The following DNAH7 variants were observed in gnomAD, a reference collection of about 807,000 sequenced individuals.
DNAH7 encodes dynein axonemal heavy chain 7.
Under a neutral mutation model 444.6 loss-of-function variants are expected in DNAH7, and 397 were observed. That is an observed-to-expected ratio of 0.89 (90% CI 0.82 to 0.97). The LOEUF is 0.97. DNAH7 is among the 50% of genes least tolerant of loss of function. DNAH7 has a pLI of 0.00. For synonymous variants in DNAH7, 1,636 were observed against 1,624.4 expected (o/e 1.01, Z -0.17); for missense variants, 4,902 against 4,800.8 (o/e 1.02, Z -0.62).
At chr2:195,899,206 G>A (rs569240762) in intron 28 of DNAH7, among the ~76,000 whole-genome samples, 2 of 151,954 alleles carry the variant, frequency 1.3e-5, no homozygotes, top group South Asian at 4.2e-4. Context: ...TTCTTTGAGA[G>A]GCTGTTATTT....
intron 20 of DNAH7, among the ~76,000 whole-genome samples, chr2:195,935,842 A>G (rs1349361047): frequency 2.0e-5 from 3 of 152,140 alleles, no homozygotes; most frequent in Non-Finnish European, 4.4e-5. Flanking sequence ...GGTAAGGAGC[A>G]TCCCAGGCAA....
At position 195,897,726 on chromosome 2, in the gene DNAH7, TA is replaced by T; in HGVS notation, c.4587del (p.Arg1530AspfsTer6). ...GGCAGATTTACATCAATGATAGATC[TA>T]AGCAGCAAAATTTCTTCATTTTCAT... Reference protein sequence around the residue: ...YPNENEEILLLRSIIDVNLPK... With the variant: ...YPNENEEILLXRSIIDVNLPK... On this transcript the variant is annotated frameshift_variant, in exon 29 of 65. Transcript: ENST00000312428. LOFTEE classifies it high-confidence loss of function. 1 of 1,591,422 alleles carries T rather than the reference TA, an allele frequency of 6.3e-7. No homozygotes were observed.
At chr2:196,042,396 T>C (rs1196774349) in intron 5 of DNAH7, among the ~76,000 whole-genome samples, 1 of 152,026 alleles carries the variant, frequency 6.6e-6, no homozygotes, top group Non-Finnish European at 1.5e-5. Context: ...ATAAAATTAT[T>C]ATGTACCAAT....
intron 15 of DNAH7, among the ~76,000 whole-genome samples, chr2:195,984,009 C>T (rs1692742131): frequency 6.6e-6 from 1 of 152,160 alleles, no homozygotes; most frequent in African/African-American, 2.4e-5. Context: ...TATCCATGCC[C>T]TGTAGGGTCC....
At chr2:195,967,160 AAAT>A (rs1462073659) in intron 17 of DNAH7, among the ~76,000 whole-genome samples, 3 of 152,158 alleles carry the variant, frequency 2.0e-5, no homozygotes, top group East Asian at 1.9e-4. Flanking sequence ...TGAAGCTTGA[AAAT>A]AATATCTTAT....
intron 46 of DNAH7, among the ~76,000 whole-genome samples, chr2:195,851,374 A>C (rs1699353675): frequency 1.3e-5 from 2 of 152,244 alleles, no homozygotes; most frequent in Non-Finnish European, 2.9e-5. Context: ...AATTGCCTTC[A>C]AGCCTTCACA....
At chr2:196,009,385 G>C (rs1210948087) in intron 10 of DNAH7, among the ~76,000 whole-genome samples, 1 of 152,072 alleles carries the variant, frequency 6.6e-6, no homozygotes, top group Non-Finnish European at 1.5e-5. Flanking sequence ...GCAATACATT[G>C]GGTACCGCTG....
At chr2:195,761,556 A>T (rs973301859) in intron 61 of DNAH7, among the ~76,000 whole-genome samples, 1 of 152,256 alleles carries the variant, frequency 6.6e-6, no homozygotes, top group African/African-American at 2.4e-5. Context: ...TCCCAAAGGT[A>T]GTAAAATAAA....
At chr2:195,778,075 C>A in intron 58 of DNAH7, 90 bp from the exon 59 acceptor site, 1 of 1,271,948 alleles carries the variant, frequency 7.9e-7, no homozygotes, top group Non-Finnish European at 1.0e-6. Flanking sequence ...AATTAAACAT[C>A]TTACAAAAAG....
At chr2:195,796,450 C>A (rs1027820359) in intron 56 of DNAH7, 126 bp downstream of exon 56, 2 of 1,128,216 alleles carry the variant, frequency 1.8e-6, no homozygotes, top group Admixed American at 2.6e-5. Context: ...CTCTCTCCTG[C>A]AATCCAGCCA....
chr2:195,956,371 C>A (rs985400009), intron 19 of DNAH7, among the ~76,000 whole-genome samples: 2 of 152,154 alleles, frequency 1.3e-5, no homozygotes, highest in African/African-American at 4.8e-5. Context: ...ATGTATTCTG[C>A]CAGTCATGGT....
chr2:195,834,519 T>C, intron 47 of DNAH7, 159 bp from the exon 48 acceptor site: 1 of 711,430 alleles, frequency 1.4e-6, no homozygotes, highest in Admixed American at 3.2e-5. Flanking sequence ...CAGAGACGTG[T>C]AGATTGAGTG....
chr2:196,036,362 C>T (rs550271642), intron 5 of DNAH7, among the ~76,000 whole-genome samples: 2 of 152,040 alleles, frequency 1.3e-5, no homozygotes, highest in South Asian at 2.1e-4. Flanking sequence ...CACTGACATC[C>T]CCCTACATCC....
At chr2:195,953,554 T>C (rs1327982144) in intron 19 of DNAH7, among the ~76,000 whole-genome samples, 1 of 152,090 alleles carries the variant, frequency 6.6e-6, no homozygotes, top group Non-Finnish European at 1.5e-5. Flanking sequence ...TTCCCATGGG[T>C]GGTCTGTCCC....
chr2:195,791,375 GA>G (rs545585624), intron 57 of DNAH7, among the ~76,000 whole-genome samples: 2,024 of 101,558 alleles, frequency 0.02, 28 homozygotes, highest in Admixed American at 0.066. Context: ...GCTGAAGCAG[GA>G]AAAAAAAAAA....
At chr2:195,796,836 T>A (rs1696165247) in intron 55 of DNAH7, 99 bp from the exon 56 acceptor site, 6 of 1,311,312 alleles carry the variant, frequency 4.6e-6, no homozygotes, top group Admixed American at 2.6e-5. Context: ...TACAACTTAA[T>A]TGGGTCACAT....
chr2:195,856,105 A>G (rs1699688256), intron 44 of DNAH7, 114 bp from the exon 45 acceptor site: 1 of 931,606 alleles, frequency 1.1e-6, no homozygotes, highest in Non-Finnish European at 1.5e-6. Flanking sequence ...TTCTTTATGC[A>G]AAAATCTAAA....
rs150368245 is a variant in DNAH7, at chr2:195,754,042, C to G, written c.11764+295G>C. ...TTAACATTTTAGGAATAACTTCTAA[C>G]TTACAAAATTTTGCAAAAAGTACAA... is the stretch of plus-strand genomic sequence containing the variant. On this transcript the variant is annotated intron_variant, in intron 63 of 64. Transcript: ENST00000312428. 2.0e-3 allele frequency among the ~76,000 whole-genome samples: 297 copies of G among 152,244 alleles called. 2 individuals are homozygous for G. Among genetic ancestry groups the G allele is most frequent in the African/African-American group, 7.0e-3 (289 of 41,540 alleles).
At chr2:196,062,475 A>T (rs1351108214) in intron 1 of DNAH7, among the ~76,000 whole-genome samples, 2 of 152,230 alleles carry the variant, frequency 1.3e-5, no homozygotes, top group Non-Finnish European at 2.9e-5. Context: ...AATCTCAGAC[A>T]TTGAAAACTT....
Sources: allele counts gnomAD v4.1 joint callset (sites outside exome capture counted in the v4.1 genomes callset), GRCh38; gene constraint gnomAD v4.1.1; transcripts MANE v1.5; gene names NCBI Gene and HGNC (gene_info 2026-07-23, HGNC 2026-07-21).